ABCG1: variants seen among roughly 807,000 people sequenced by gnomAD.
ABCG1 encodes ATP-binding cassette sub-family G member 1.
ABCG1 carries 29 observed loss-of-function variants against 69.2 expected under a neutral mutation model. The observed-to-expected ratio is 0.42, with a 90% confidence interval of 0.31 to 0.57. ABCG1 has a LOEUF of 0.57. ABCG1 is among the 20% of genes least tolerant of loss of function. ABCG1 has a pLI of 0.15. For missense variants in ABCG1, 718 were observed against 898.1 expected, an observed-to-expected ratio of 0.80 and a Z score of 2.56; for synonymous variants, 370 against 374.8, an observed-to-expected ratio of 0.99 and a Z score of 0.15.
intron 2 of ABCG1, among the ~76,000 whole-genome samples, chr21:42,268,394 C>A (rs201465893): frequency 3.8e-5 from 3 of 78,378 alleles, no homozygotes; most frequent in Non-Finnish European, 9.6e-5. Context: ...TGTGTGCGCG[C>A]GCGCGCTGGA....
intron 2 of ABCG1, among the ~76,000 whole-genome samples, chr21:42,226,939 C>G (rs150754584): frequency 2.0e-5 from 3 of 152,322 alleles, no homozygotes; most frequent in Non-Finnish European, 2.9e-5. Context: ...GAAGACCAAT[C>G]AAGACTCACG....
intron 2 of ABCG1, chr21:42,259,585 T>C (rs905658878): frequency 1.4e-6 from 2 of 1,468,236 alleles, no homozygotes; most frequent in Admixed American, 5.1e-5. Context: ...GCATTGCCTC[T>C]GCGGAGCTGG....
Position 42,288,120 on chromosome 21 carries a change from G to C in ABCG1, c.1122+83G>C. 1 of 1,611,240 alleles carries C rather than the reference G, an allele frequency of 6.2e-7. No individual in the cohort carries two copies. The highest frequency in any genetic ancestry group is 2.2e-5 in the East Asian group (1 of 44,836). ...CCTGGGGGAGGCTGCACGTGGCACC[G>C]TGCACTGCTGCATGAGAGCTCTTTC... On this transcript the variant is annotated intron_variant, in intron 9 of 14. Coordinates refer to ENST00000398449, the MANE Select transcript of ABCG1 (RefSeq NM_016818.3). The surrounding 1 kb of genome is among the most constrained non-coding windows in gnomAD (Gnocchi z 4.8).
chr21:42,238,028 G>A (rs2068001551), intron 2 of ABCG1, among the ~76,000 whole-genome samples: 2 of 152,194 alleles, frequency 1.3e-5, no homozygotes, highest in Admixed American at 6.5e-5. Flanking sequence ...CTACAGCCAG[G>A]GCTGGCACAC....
intron 2 of ABCG1, chr21:42,259,599 T>C (rs1215001106): frequency 1.4e-6 from 2 of 1,448,892 alleles, no homozygotes; most frequent in Non-Finnish European, 1.8e-6. Context: ...GAGCTGGCCA[T>C]TACCTTGTTT....
In ABCG1 at chr21:42,208,406, T is replaced by C. The variant is rs534747491; in HGVS notation, c.48+6683T>C. Among the ~76,000 whole-genome samples the C allele has an allele frequency of 1.6e-3, 247 of 152,254 alleles. 1 individual carries two copies. The highest frequency in any genetic ancestry group is 5.8e-3 in the African/African-American group (240 of 41,542). On this transcript the variant is annotated intron_variant, in intron 2 of 15. Transcript: ENST00000398457. ...TCCTATCTTCTAGAGTCTCCTTATGTTGGTTTTGTGTAATATCCAAGGTTT... is the reference window on the plus strand; with the variant it reads ...TCCTATCTTCTAGAGTCTCCTTATGCTGGTTTTGTGTAATATCCAAGGTTT...
chr21:42,255,608 C>T (rs944211394), intron 2 of ABCG1, among the ~76,000 whole-genome samples: 2 of 152,230 alleles, frequency 1.3e-5, no homozygotes, highest in Non-Finnish European at 2.9e-5. Flanking sequence ...GAGGCTGAAA[C>T]GCCAGTTAGA....
At chr21:42,268,867 G>T (rs924663080) in intron 2 of ABCG1, among the ~76,000 whole-genome samples, 4 of 152,186 alleles carry the variant, frequency 2.6e-5, no homozygotes, top group African/African-American at 9.7e-5. Flanking sequence ...GGTCCTGGGG[G>T]TCATTGCAGC....
At chr21:42,243,868 G>A (rs2123612016) in intron 2 of ABCG1, among the ~76,000 whole-genome samples, 1 of 142,818 alleles carries the variant, frequency 7.0e-6, no homozygotes, top group East Asian at 2.0e-4. Context: ...GCCCAGGCTG[G>A]AGTGCAGTGG....
chr21:42,288,096 C>T lies in ABCG1; in HGVS notation c.1122+59C>T, dbSNP rs761568584. ...AAGGTAATGCAAATCCCGAAGCCCC[C>T]TGGGGGAGGCTGCACGTGGCACCGT... On this transcript the variant is annotated intron_variant, in intron 9 of 14. Coordinates refer to ENST00000398449, the MANE Select transcript of ABCG1 (RefSeq NM_016818.3). The surrounding 1 kb of genome is among the most constrained non-coding windows in gnomAD (Gnocchi z 4.8). 6.2e-7 allele frequency: 1 copy of T among 1,606,598 alleles called. No homozygotes were observed. The highest frequency in any genetic ancestry group is 8.5e-7 in the Non-Finnish European group (1 of 1,173,964).
rs887792970 is a variant in ABCG1, at chr21:42,285,893, G to C, written c.872G>C (p.Ser291Thr). The change falls in exon 8 of 15, where the codon AGT becomes ACT. Residue 291 changes from serine to threonine, a missense_variant. Transcript: ENST00000398449. ...CCTTTTTTCCAGCTTTACGTCCTGA[G>C]TCAAGGACAATGTGTGTACCGGGGA... ...FELFDQLYVL[S>T]QGQCVYRGKV... The C allele has an allele frequency of 8.1e-6, 13 of 1,613,542 alleles. No individual in the cohort carries two copies. Among genetic ancestry groups the C allele is most frequent in the Non-Finnish European group, 1.1e-5 (13 of 1,179,594 alleles).
rs2069213902 is a variant in ABCG1 at position 42,296,501 on chromosome 21, C to A, written c.*109C>A. ...CCGACGACACAGAGACTCTTCTGAT[C>A]CAACCCCTAGAACCGCGTTGGGTTT... On this transcript the variant is annotated 3_prime_UTR_variant, in exon 15 of 15. Coordinates refer to ENST00000398449, the MANE Select transcript of ABCG1 (RefSeq NM_016818.3). This position sits in a 1 kb window ranked among gnomAD's most constrained non-coding sequence, Gnocchi z 5.4. 2 of 1,008,352 alleles carry A rather than the reference C, an allele frequency of 2.0e-6. No homozygotes were observed. The highest frequency in any genetic ancestry group is 1.5e-5 in the South Asian group (1 of 68,778). The allele number at this position is 1,008,352 out of a possible 1,614,324, so 62.5% of individuals were successfully genotyped here.
At chr21:42,272,320 C>A (rs978024168) in intron 3 of ABCG1, among the ~76,000 whole-genome samples, 1 of 152,186 alleles carries the variant, frequency 6.6e-6, no homozygotes, top group African/African-American at 2.4e-5. Flanking sequence ...CAGCTCCTGG[C>A]AGCCTGTGTG....
At chr21:42,244,552 A>T (rs1028214821) in intron 2 of ABCG1, among the ~76,000 whole-genome samples, 1 of 152,230 alleles carries the variant, frequency 6.6e-6, no homozygotes, top group East Asian at 1.9e-4. Flanking sequence ...TTACTTTGCA[A>T]TTCCCACTCT....
chr21:42,251,031 C>T (rs1265435124), intron 2 of ABCG1, among the ~76,000 whole-genome samples: 2 of 95,778 alleles, frequency 2.1e-5, no homozygotes, highest in South Asian at 3.9e-4. Context: ...GCCCAGCAGA[C>T]ATGAACTTGC....
At chr21:42,280,335 T>A (rs997659774) in intron 5 of ABCG1, among the ~76,000 whole-genome samples, 7 of 152,222 alleles carry the variant, frequency 4.6e-5, no homozygotes, top group Admixed American at 4.6e-4. Flanking sequence ...GAATTTTTGC[T>A]GTGTTGTTCA....
At chr21:42,272,619 C>T (rs776495779) in intron 3 of ABCG1, among the ~76,000 whole-genome samples, 40 of 152,272 alleles carry the variant, frequency 2.6e-4, no homozygotes, top group African/African-American at 8.4e-4. Flanking sequence ...CACCAGCTCC[C>T]GGGCTGCACT....
In ABCG1 at chr21:42,258,408, A is replaced by G. The variant is rs1296823615; in HGVS notation, c.287-12662A>G. 3.6e-5 allele frequency among the ~76,000 whole-genome samples: 3 copies of G among 83,890 alleles called. No individual in the cohort carries two copies. In the East Asian group the frequency reaches 1.0e-3, roughly 28 times the overall value. 55.0% of individuals were successfully genotyped at this position (83,890 alleles called of 152,430 possible). ...CTCCCTCCATCCTTCCCTCCATCCC[A>G]CCTTCCATATCCCCCCCATCCCTCC... is the stretch of plus-strand genomic sequence containing the variant. On this transcript the variant is annotated intron_variant, in intron 2 of 14. Transcript: ENST00000398449.
At chr21:42,272,103 A>T (rs1184704153) in intron 3 of ABCG1, among the ~76,000 whole-genome samples, 4 of 152,252 alleles carry the variant, frequency 2.6e-5, no homozygotes, top group Admixed American at 2.0e-4. Flanking sequence ...TACTGAAAAA[A>T]TGGCAAATAT....
Sources: gnomAD v4.1 joint callset for allele counts (sites outside exome capture counted in the v4.1 genomes callset) on GRCh38, gnomAD v4.1.1 for gene constraint, Gnocchi (gnomAD v3.1) non-coding constraint, MANE v1.5 for transcripts, NCBI Gene and HGNC (gene_info 2026-07-23, HGNC 2026-07-21) for gene names.